Variants in TRIP11 observed in about 807,000 individuals in gnomAD.
TRIP11 encodes thyroid hormone receptor interactor 11, also known as thyroid receptor-interacting protein 11.
A neutral mutation model predicts 223.1 loss-of-function variants in TRIP11; 148 were observed. That is an observed-to-expected ratio of 0.66 (90% confidence interval 0.58 to 0.76). The LOEUF (loss-of-function observed/expected upper bound fraction) is 0.76, where lower values mean the gene tolerates loss of function less well. Ranked by LOEUF, TRIP11 falls within the 30% of genes least tolerant of loss-of-function variation. The pLI is 0.00. For synonymous variants in TRIP11, 762 were observed against 772.6 expected (o/e 0.99, Z 0.23); for missense variants, 2,043 against 2,222.0 (o/e 0.92, Z 1.62).
intron 16 of TRIP11, among the ~76,000 whole-genome samples, chr14:91,977,834 T>C (rs936633661): frequency 3.9e-5 from 6 of 152,204 alleles, no homozygotes; most frequent in African/African-American, 1.4e-4. Flanking sequence ...ATGTCTCGTT[T>C]AACTGTTTAC....
Position 91,969,397 on chromosome 14 carries a change from G to A in TRIP11, c.*276C>T. ...CATATAGCTACTAGTATTTTTGTCT[G>A]TCTGTATTTTTGTAAATTAAGGTAA... On this transcript the variant is annotated 3_prime_UTR_variant, in exon 21 of 21. Coordinates refer to ENST00000267622, the MANE Select transcript of TRIP11 (RefSeq NM_004239.4). The A allele has an allele frequency of 1.1e-5, 5 of 444,756 alleles. No individual in the cohort carries two copies. The highest frequency in any genetic ancestry group is 2.0e-5 in the Non-Finnish European group (5 of 244,938). 27.6% of individuals were successfully genotyped at this position (444,756 alleles called of 1,614,324 possible). A position where few individuals can be genotyped will look rare whatever the true frequency, so the allele number is the denominator to read the frequency against.
Position 92,003,402 on chromosome 14 carries a change from C to A in TRIP11, c.4557+17G>T. On this transcript the variant is annotated intron_variant, in intron 11 of 20. Coordinates refer to ENST00000267622, the MANE Select transcript of TRIP11 (RefSeq NM_004239.4). Reference sequence around the variant, plus strand: ...CCACCCCCAACTTCCTTCTACAATACTCCATCCAGAACACACCTGTTCTTT... The same window carrying A: ...CCACCCCCAACTTCCTTCTACAATAATCCATCCAGAACACACCTGTTCTTT... 6.2e-7 allele frequency: 1 copy of A among 1,611,768 alleles called. No homozygotes were observed. Among genetic ancestry groups the A allele is most frequent in the South Asian group, 1.1e-5 (1 of 91,076 alleles).
In TRIP11 at chr14:92,003,417, A is replaced by C; in HGVS notation, c.4557+2T>G. The C allele has an allele frequency of 1.9e-6, 3 of 1,612,774 alleles. No individual in the cohort carries two copies. Among genetic ancestry groups the C allele is most frequent in the Non-Finnish European group, 2.5e-6 (3 of 1,179,998 alleles). ...TTCTACAATACTCCATCCAGAACAC[A>C]CCTGTTCTTTCTCTTTCAATAGCTG... On this transcript the variant is annotated splice_donor_variant, in intron 11 of 20. Coordinates refer to ENST00000267622, the MANE Select transcript of TRIP11 (RefSeq NM_004239.4). LOFTEE classifies it high-confidence loss of function.
intron 16 of TRIP11, among the ~76,000 whole-genome samples, chr14:91,985,414 T>G (rs1166901561): frequency 4.7e-5 from 5 of 107,264 alleles, no homozygotes; most frequent in African/African-American, 2.4e-4. Flanking sequence ...TGCACATACA[T>G]ACTCTTAAGA....
intron 9 of TRIP11, among the ~76,000 whole-genome samples, chr14:92,009,439 A>C (rs1287266287): frequency 2.6e-5 from 4 of 152,222 alleles, no homozygotes; most frequent in Non-Finnish European, 5.9e-5. Flanking sequence ...CTATCAGGAC[A>C]AGCTACAGAA....
rs149562813 is a variant in TRIP11, at chr14:92,004,894, G to A, written c.3082C>T (p.Arg1028Ter). ...TTTAGAAGTTTAATCTCCAGTTCTC[G>A]CTCTTTTATTCCTTTCACTAATCTT... ...TERLVKGIKERELEIKLLNEK... is the reference protein window; with the variant it reads ...TERLVKGIKE The change falls in exon 11 of 21, where the codon CGA becomes TGA. Residue 1028 changes from arginine (R) to a stop codon, truncating the protein, a stop_gained. Coordinates refer to ENST00000267622, the MANE Select transcript of TRIP11 (RefSeq NM_004239.4). LOFTEE classifies it high-confidence loss of function. 133 of 1,613,630 alleles carry A rather than the reference G, an allele frequency of 8.2e-5. No individual in the cohort carries two copies. Among genetic ancestry groups the A allele is most frequent in the Non-Finnish European group, 9.9e-5 (117 of 1,179,976 alleles).
chr14:91,972,565 A>G, intron 20 of TRIP11, 152 bp downstream of exon 20: 1 of 694,746 alleles, frequency 1.4e-6, no homozygotes, highest in Non-Finnish European at 2.3e-6. Context: ...CTGATGCCTT[A>G]TTGGAAAAGC....
Position 92,014,558 on chromosome 14 carries a change from T to G in TRIP11, c.843A>C (p.Glu281Asp). Reference protein sequence around the residue: ...LLQQGGSGVIETDLSKIYEMQ... With the variant: ...LLQQGGSGVIDTDLSKIYEMQ... ...TCTCATAGATTTTAGAGAGATCAGT[T>G]TCTATAACTCCAGAGCCACCTAGAA... is the stretch of plus-strand genomic sequence containing the variant. Residue 281 changes from glutamate (E) to aspartate (D), a missense_variant, in exon 7 of 21, where the codon GAA (glutamate) becomes GAC (aspartate). Coordinates refer to ENST00000267622, the MANE Select transcript of TRIP11 (RefSeq NM_004239.4). 6.2e-7 allele frequency: 1 copy of G among 1,603,638 alleles called. No individual in the cohort carries two copies. Among genetic ancestry groups the G allele is most frequent in the Non-Finnish European group, 8.5e-7 (1 of 1,177,874 alleles).
chr14:91,975,815 T>C (rs1036238317), intron 17 of TRIP11, among the ~76,000 whole-genome samples: 6 of 152,094 alleles, frequency 3.9e-5, no homozygotes, highest in Middle Eastern at 3.2e-3. Context: ...CAAAAAAGAA[T>C]GGTAAAAATA....
chr14:92,000,439 T>C (rs1254455184), intron 11 of TRIP11, among the ~76,000 whole-genome samples: 1 of 152,190 alleles, frequency 6.6e-6, no homozygotes, highest in Non-Finnish European at 1.5e-5. Flanking sequence ...GAGTCAAGTA[T>C]GAACTTTAGT....
intron 6 of TRIP11, 66 bp from the exon 7 acceptor site, chr14:92,014,643 T>C (rs1368053815): frequency 6.6e-7 from 1 of 1,519,366 alleles, no homozygotes; most frequent in Admixed American, 2.1e-5. Flanking sequence ...GTTTGCTATA[T>C]ACAACTAAGA....
At chr14:92,024,511 A>T (rs17127869) in intron 3 of TRIP11, among the ~76,000 whole-genome samples, 5,580 of 152,252 alleles carry the variant, frequency 0.037, 295 homozygotes, top group African/African-American at 0.12. Context: ...CTACTTTCAA[A>T]ACCTATGTAT....
In TRIP11 at chr14:91,972,689, T is replaced by G. The variant is rs909805406; in HGVS notation, c.5719+28A>C. On this transcript the variant is annotated intron_variant, in intron 20 of 20. Coordinates refer to ENST00000267622, the MANE Select transcript of TRIP11 (RefSeq NM_004239.4). ...TACATTAAACATTCAATTTTCAAATTATAGAAAAATTAAATCTCTAGTTTT... is the reference window on the plus strand; with the variant it reads ...TACATTAAACATTCAATTTTCAAATGATAGAAAAATTAAATCTCTAGTTTT... The G allele has an allele frequency of 3.2e-6, 5 of 1,585,432 alleles. No individual in the cohort carries two copies. In the South Asian group the frequency reaches 5.7e-5, roughly 18 times the overall value.
At chr14:91,971,449 G>C (rs531257459) in intron 20 of TRIP11, among the ~76,000 whole-genome samples, 2 of 152,090 alleles carry the variant, frequency 1.3e-5, no homozygotes, top group South Asian at 4.1e-4. Context: ...GCCATCACCA[G>C]CTTTTGTATC....
At position 92,011,318 on chromosome 14, in the gene TRIP11, C is replaced by T. The variant is rs10144127; in HGVS notation, c.1228-246G>A. Among the ~76,000 whole-genome samples, 1,827 of 151,582 alleles carry T rather than the reference C, an allele frequency of 0.012. 39 individuals carry two copies. The highest frequency in any genetic ancestry group is 0.04 in the African/African-American group (1,666 of 41,322). ...CATCCTGGCTAACACAGTGAAACCC[C>T]GTCTCTACTAAAAATACAAAAAATT... On this transcript the variant is annotated intron_variant, in intron 8 of 20. Transcript: ENST00000267622.
At chr14:92,012,593 T>A (rs764123470) in intron 7 of TRIP11, among the ~76,000 whole-genome samples, 2 of 152,074 alleles carry the variant, frequency 1.3e-5, no homozygotes, top group Non-Finnish European at 2.9e-5. Flanking sequence ...CAGTGGAGGT[T>A]AATACCTGCA....
intron 11 of TRIP11, among the ~76,000 whole-genome samples, chr14:92,002,930 G>T (rs751012199): frequency 7.9e-5 from 12 of 151,858 alleles, no homozygotes; most frequent in Non-Finnish European, 1.3e-4. Flanking sequence ...AGCAATTTCT[G>T]GTTCCTCAAA....
chr14:92,037,697 G>A lies in TRIP11; in HGVS notation c.139+1850C>T, dbSNP rs918326188. 1.3e-5 allele frequency among the ~76,000 whole-genome samples: 2 copies of A among 152,224 alleles called. No individual in the cohort carries two copies. Among genetic ancestry groups the A allele is most frequent in the Admixed American group, 6.5e-5 (1 of 15,298 alleles). ...TCGAGATCAGCCTGGCCAACATGGC[G>A]AAACCCCATCTCTACTAAAAATACA... is the stretch of plus-strand genomic sequence containing the variant. On this transcript the variant is annotated intron_variant, in intron 1 of 20. Coordinates refer to ENST00000267622, the MANE Select transcript of TRIP11 (RefSeq NM_004239.4). The surrounding 1 kb of genome is among the most constrained non-coding windows in gnomAD (Gnocchi z 4.2).
chr14:91,984,195 G>A (rs2056577192), intron 16 of TRIP11, among the ~76,000 whole-genome samples: 1 of 151,934 alleles, frequency 6.6e-6, no homozygotes, highest in Non-Finnish European at 1.5e-5. Flanking sequence ...AATTTGTATT[G>A]CTTATGAAAA....
Sources: allele counts gnomAD v4.1 joint callset (sites outside exome capture counted in the v4.1 genomes callset), GRCh38; gene constraint gnomAD v4.1.1; non-coding constraint Gnocchi (gnomAD v3.1); transcripts MANE v1.5; gene names NCBI Gene and HGNC (gene_info 2026-07-23, HGNC 2026-07-21).